CCDC88C: variants seen among roughly 807,000 people sequenced by gnomAD.
CCDC88C encodes coiled-coil and HOOK domain protein 88C.
A neutral mutation model predicts 198.8 loss-of-function variants in CCDC88C; 131 were observed. The observed-to-expected ratio is 0.66, with a 90% CI of 0.57 to 0.76. The LOEUF is 0.76. Ranked by LOEUF, CCDC88C falls within the 30% of genes least tolerant of loss-of-function variation. CCDC88C has a pLI of 0.00. For synonymous variants in CCDC88C, 1,166 were observed against 1,114.7 expected (o/e 1.05, Z -0.92); for missense variants, 2,553 against 2,631.6 (o/e 0.97, Z 0.65).
At position 91,305,908 on chromosome 14, in the gene CCDC88C, C is replaced by T. The variant is rs1179460725; in HGVS notation, c.3214G>A (p.Glu1072Lys). ...AGCTGTTCCTTTAGCAGCTGCTTCT[C>T]AGCCTGCAGAGCTGCATTCTAGAAG... ...LERNNAALQA[E>K]KQLLKEQLQH... Residue 1072 changes from glutamate (E) to lysine (K), a missense_variant, in exon 19 of 30, where the codon GAG (glutamate) becomes AAG (lysine). Coordinates refer to ENST00000389857, the MANE Select transcript of CCDC88C (RefSeq NM_001080414.4). The T allele has an allele frequency of 6.2e-7, 1 of 1,613,640 alleles. No individual in the cohort carries two copies. Among genetic ancestry groups the T allele is most frequent in the Non-Finnish European group, 8.5e-7 (1 of 1,179,882 alleles).
chr14:91,288,584 A>G lies in CCDC88C; in HGVS notation c.4441+521T>C, dbSNP rs1890520151. 1 of 153,364 alleles carries G rather than the reference A, an allele frequency of 6.5e-6. No individual in the cohort carries two copies. The highest frequency in any genetic ancestry group is 2.4e-5 in the African/African-American group (1 of 41,478). The allele number at this position is 153,364 out of a possible 1,614,324, so 9.5% of individuals were successfully genotyped here. A position where few individuals can be genotyped will look rare whatever the true frequency, so the allele number is the denominator to read the frequency against. ...GATATTGAGATATCTGCCCGGCTACATGATGAATGATACCTTTTGTTCTAA... is the reference window on the plus strand; with the variant it reads ...GATATTGAGATATCTGCCCGGCTACGTGATGAATGATACCTTTTGTTCTAA... On this transcript the variant is annotated intron_variant, in intron 25 of 29. Transcript: ENST00000389857. This position sits in a 1 kb window ranked among gnomAD's most constrained non-coding sequence, Gnocchi z 4.2.
intron 16 of CCDC88C, 97 bp downstream of exon 16, chr14:91,309,760 TAG>T (rs1414202538): frequency 3.8e-6 from 5 of 1,316,256 alleles, no homozygotes; most frequent in Admixed American, 4.4e-5. Flanking sequence ...CCCTCGGCAG[TAG>T]AGAGTTCATG....
chr14:91,402,351 A>G (rs1886254452), intron 3 of CCDC88C, among the ~76,000 whole-genome samples: 1 of 152,224 alleles, frequency 6.6e-6, no homozygotes, highest in Non-Finnish European at 1.5e-5. Context: ...CACATTTCTT[A>G]AAGATAATCC....
intron 25 of CCDC88C, 28 bp from the exon 26 acceptor site, chr14:91,283,545 G>A (rs769395513): frequency 6.3e-7 from 1 of 1,588,548 alleles, no homozygotes; most frequent in Non-Finnish European, 8.6e-7. Context: ...ATTGAGAAAT[G>A]AGGCTGCCAA....
In CCDC88C at chr14:91,272,717, A is replaced by G; in HGVS notation, c.5995T>C (p.Cys1999Arg). Reference sequence around the variant, plus strand: ...CTCTTTGAGACGCTCCCTCGACTGCAGTCCTCCAGGGCCCGGCCGAGGTGG... The same window carrying G: ...CTCTTTGAGACGCTCCCTCGACTGCGGTCCTCCAGGGCCCGGCCGAGGTGG... ...APHLGRALEDCSRGSVSKSSP... is the reference protein window; with the variant it reads ...APHLGRALEDRSRGSVSKSSP... Residue 1999 changes from cysteine (C) to arginine (R), a missense_variant, in exon 30 of 30, where the codon TGC (cysteine) becomes CGC (arginine). Around this residue, in one of 2 missense-constraint regions of CCDC88C, gnomAD observed 1,293 missense variants for 1,219.6 expected, o/e 1.06. Transcript: ENST00000389857. 1 of 1,611,028 alleles carries G rather than the reference A, an allele frequency of 6.2e-7. No individual in the cohort carries two copies. Among genetic ancestry groups the G allele is most frequent in the Non-Finnish European group, 8.5e-7 (1 of 1,179,686 alleles).
chr14:91,361,185 A>G (rs758152413), intron 3 of CCDC88C, among the ~76,000 whole-genome samples: 21 of 152,068 alleles, frequency 1.4e-4, no homozygotes, highest in Non-Finnish European at 2.6e-4. Flanking sequence ...GGTGGGTTTC[A>G]TAACTATTCT....
chr14:91,398,553 AG>A (rs1885983509), intron 3 of CCDC88C, among the ~76,000 whole-genome samples: 2 of 152,200 alleles, frequency 1.3e-5, no homozygotes, highest in African/African-American at 4.8e-5. Context: ...GCTACTTGGT[AG>A]ATTGAGGCTG....
At chr14:91,373,218 C>T (rs1894906751) in intron 3 of CCDC88C, among the ~76,000 whole-genome samples, 1 of 152,142 alleles carries the variant, frequency 6.6e-6, no homozygotes, top group South Asian at 2.1e-4. Flanking sequence ...CTCCCTCTGG[C>T]CTCAGGAGGG....
chr14:91,320,785 T>C (rs1892322412), intron 13 of CCDC88C, among the ~76,000 whole-genome samples: 1 of 152,150 alleles, frequency 6.6e-6, no homozygotes, highest in Non-Finnish European at 1.5e-5. Flanking sequence ...AGCAGTGGCG[T>C]GGAAGAGAAC....
intron 24 of CCDC88C, among the ~76,000 whole-genome samples, chr14:91,290,707 A>G (rs571363088): frequency 6.6e-6 from 1 of 152,318 alleles, no homozygotes; most frequent in East Asian, 1.9e-4. Flanking sequence ...CAGCCCCGCC[A>G]TCCTGCTTGA....
intron 3 of CCDC88C, among the ~76,000 whole-genome samples, chr14:91,370,162 C>T (rs892877935): frequency 1.3e-5 from 2 of 152,212 alleles, no homozygotes; most frequent in Non-Finnish European, 2.9e-5. Flanking sequence ...TACTGTGTGG[C>T]CTCAGGCAAG....
intron 3 of CCDC88C, among the ~76,000 whole-genome samples, chr14:91,365,123 C>A (rs1168857658): frequency 6.6e-6 from 1 of 152,146 alleles, no homozygotes; most frequent in Non-Finnish European, 1.5e-5. Context: ...CCACAGGCAC[C>A]CTACGGTCCC....
At chr14:91,298,338 C>T (rs549033657) in intron 21 of CCDC88C, among the ~76,000 whole-genome samples, 16 of 152,032 alleles carry the variant, frequency 1.1e-4, no homozygotes, top group Non-Finnish European at 1.9e-4. Flanking sequence ...CGCGCCACTG[C>T]ACTCCAGCCT....
chr14:91,384,235 G>A (rs1275890716), intron 3 of CCDC88C, among the ~76,000 whole-genome samples: 3 of 151,254 alleles, frequency 2.0e-5, no homozygotes, highest in African/African-American at 4.9e-5. Context: ...CTAGGAGTTC[G>A]AGACCAGCCT....
chr14:91,281,290 A>G, intron 27 of CCDC88C, 167 bp downstream of exon 27: 1 of 1,513,990 alleles, frequency 6.6e-7, no homozygotes, highest in Non-Finnish European at 8.9e-7. Flanking sequence ...ATGTAAGTAG[A>G]AGCTACACGC....
intron 3 of CCDC88C, among the ~76,000 whole-genome samples, chr14:91,368,484 A>G (rs544462295): frequency 6.6e-6 from 1 of 152,336 alleles, no homozygotes; most frequent in East Asian, 1.9e-4. Flanking sequence ...TCCCAAATGC[A>G]ATAGTTTTAT....
At chr14:91,283,663 T>A in intron 25 of CCDC88C, 146 bp from the exon 26 acceptor site, 1 of 749,410 alleles carries the variant, frequency 1.3e-6, no homozygotes, top group Non-Finnish European at 2.1e-6. Context: ...GGCTGCAACT[T>A]AAATGGGGCC....
At chr14:91,396,607 C>A (rs1885861923) in intron 3 of CCDC88C, among the ~76,000 whole-genome samples, 1 of 152,202 alleles carries the variant, frequency 6.6e-6, no homozygotes, top group Non-Finnish European at 1.5e-5. Context: ...GCAAGCTTAA[C>A]ATTCATCGTT....
chr14:91,395,639 C>T (rs1006467310), intron 3 of CCDC88C, among the ~76,000 whole-genome samples: 13 of 152,126 alleles, frequency 8.5e-5, no homozygotes, highest in African/African-American at 1.2e-4. Context: ...CAGTGGCTAA[C>T]GTTATCCCCC....
Sources: allele counts gnomAD v4.1 joint callset (sites outside exome capture counted in the v4.1 genomes callset), GRCh38; gene constraint gnomAD v4.1.1; regional missense constraint gnomAD v4.1.1; non-coding constraint Gnocchi (gnomAD v3.1); transcripts MANE v1.5; gene names NCBI Gene and HGNC (gene_info 2026-07-23, HGNC 2026-07-21).